NDUFB3: variants seen among roughly 807,000 people sequenced by gnomAD.
The protein encoded by NDUFB3 is NADH dehydrogenase [ubiquinone] 1 beta subcomplex subunit 3.
Under a neutral mutation model 9.0 loss-of-function variants are expected in NDUFB3, and 7 were observed. The observed-to-expected ratio is 0.78, with a 90% CI of 0.44 to 1.46. The LOEUF is 1.46. Among genes scored for constraint, NDUFB3 ranks in the 40% most tolerant of loss-of-function variants. The probability of loss-of-function intolerance (pLI) is 0.01; values close to 1 mark genes in which losing one functional copy is unlikely to be tolerated. For synonymous variants in NDUFB3, 29 were observed against 38.5 expected (o/e 0.75, Z 0.91); for missense variants, 93 against 115.4 (o/e 0.81, Z 0.89).
intron 2 of NDUFB3, among the ~76,000 whole-genome samples, chr2:201,084,163 G>C (rs552292299): frequency 6.6e-6 from 1 of 152,064 alleles, no homozygotes; most frequent in Non-Finnish European, 1.5e-5. Context: ...GGTGGTGTGC[G>C]CCTATAATCC....
At chr2:201,072,677 A>G (rs967058207) in intron 1 of NDUFB3, among the ~76,000 whole-genome samples, 1 of 152,154 alleles carries the variant, frequency 6.6e-6, no homozygotes, top group Non-Finnish European at 1.5e-5. Flanking sequence ...GCTGCTCTGA[A>G]ACGGAAATAA....
intron 2 of NDUFB3, among the ~76,000 whole-genome samples, chr2:201,080,798 G>A (rs1490342328): frequency 6.7e-6 from 1 of 150,278 alleles, no homozygotes; most frequent in Admixed American, 6.7e-5. Flanking sequence ...CCACCTCCCG[G>A]GTTCACGCCA....
intron 2 of NDUFB3, among the ~76,000 whole-genome samples, chr2:201,082,366 A>G (rs754621782): frequency 1.7e-4 from 26 of 151,636 alleles, no homozygotes; most frequent in Non-Finnish European, 2.9e-4. Flanking sequence ...GTGGGCTGAA[A>G]TCATCCTCCC....
At chr2:201,073,564 C>T (rs895778686) in intron 1 of NDUFB3, among the ~76,000 whole-genome samples, 1 of 152,046 alleles carries the variant, frequency 6.6e-6, no homozygotes, top group South Asian at 2.1e-4. Context: ...GTCCAGAGAT[C>T]GAGACCATTC....
At chr2:201,074,158 G>T (rs2047133058) in intron 1 of NDUFB3, among the ~76,000 whole-genome samples, 1 of 152,030 alleles carries the variant, frequency 6.6e-6, no homozygotes, top group Admixed American at 6.6e-5. Flanking sequence ...TTGCCATGTT[G>T]GTTAGGCTTT....
intron 2 of NDUFB3, among the ~76,000 whole-genome samples, chr2:201,082,959 C>T (rs918541501): frequency 5.3e-5 from 8 of 151,212 alleles, no homozygotes; most frequent in African/African-American, 1.7e-4. Context: ...ATGATCCACC[C>T]GCCTCGGCCT....
At chr2:201,079,633 G>C (rs1164816587) in intron 2 of NDUFB3, among the ~76,000 whole-genome samples, 1 of 152,074 alleles carries the variant, frequency 6.6e-6, no homozygotes, top group Non-Finnish European at 1.5e-5. Flanking sequence ...AGTAGAGACA[G>C]GGTTTTGCCA....
At chr2:201,083,296 G>T (rs1184971114) in intron 2 of NDUFB3, among the ~76,000 whole-genome samples, 3 of 151,092 alleles carry the variant, frequency 2.0e-5, no homozygotes, top group African/African-American at 7.3e-5. Flanking sequence ...CTTTTATCAA[G>T]ATGAGGAATT....
Position 201,085,490 on chromosome 2 carries a change from G to T in NDUFB3, c.172G>T (p.Ala58Ser). The change falls in exon 3 of 3, where the codon GCA (alanine) becomes TCA (serine). Residue 58 changes from alanine (A) to serine (S), a missense_variant. Physicochemically the swap from Ala to Ser is moderately conservative, Grantham distance 99. Coordinates refer to ENST00000237889, the MANE Select transcript of NDUFB3 (RefSeq NM_002491.3). ...AGCTTGGAGATACATGGGTGGCTTT[G>T]CAAAGAGTGTTTCCTTTTCTGATGT... ...NEAWRYMGGF[A>S]KSVSFSDVFF... 1 of 1,606,324 alleles carries T rather than the reference G, an allele frequency of 6.2e-7. No homozygotes were observed. The highest frequency in any genetic ancestry group is 1.7e-5 in the Admixed American group (1 of 59,076).
At chr2:201,073,539 C>T (rs2047123142) in intron 1 of NDUFB3, among the ~76,000 whole-genome samples, 1 of 152,152 alleles carries the variant, frequency 6.6e-6, no homozygotes, top group Non-Finnish European at 1.5e-5. Context: ...GTGGCCGAGG[C>T]AGGCGGATAA....
At chr2:201,079,165 A>C in intron 2 of NDUFB3, 143 bp downstream of exon 2, 1 of 991,504 alleles carries the variant, frequency 1.0e-6, no homozygotes, top group Non-Finnish European at 1.4e-6. Context: ...TTTGTTTTTG[A>C]GACGGTGTCT....
intron 2 of NDUFB3, among the ~76,000 whole-genome samples, chr2:201,083,566 C>T (rs1349341959): frequency 6.6e-6 from 1 of 151,766 alleles, no homozygotes; most frequent in Admixed American, 6.6e-5. Flanking sequence ...AGGCTGGTCT[C>T]AAGCTCCCGA....
chr2:201,078,794 C>T, intron 1 of NDUFB3, 87 bp from the exon 2 acceptor site: 1 of 1,245,994 alleles, frequency 8.0e-7, no homozygotes, highest in South Asian at 1.5e-5. Flanking sequence ...ATATTAAATG[C>T]TTTACCTTAA....
intron 2 of NDUFB3, among the ~76,000 whole-genome samples, chr2:201,085,031 G>C (rs1422088353): frequency 6.6e-6 from 1 of 152,196 alleles, no homozygotes; most frequent in Non-Finnish European, 1.5e-5. Flanking sequence ...ACAGGAAGCA[G>C]ACCATGACAG....
intron 2 of NDUFB3, among the ~76,000 whole-genome samples, chr2:201,084,583 G>T (rs1361209095): frequency 6.6e-6 from 1 of 152,194 alleles, no homozygotes; most frequent in Non-Finnish European, 1.5e-5. Context: ...GTTGCAGTGA[G>T]CTGAGATTGT....
chr2:201,085,495 G>A lies in NDUFB3; in HGVS notation c.177G>A (p.Lys59=), dbSNP rs569880652. 8 of 1,611,226 alleles carry A rather than the reference G, an allele frequency of 5.0e-6. 1 individual carries two copies. The highest frequency in any genetic ancestry group is 1.1e-5 in the South Asian group (1 of 90,650). The change falls in exon 3 of 3, where the codon AAG becomes AAA. Residue 59 remains lysine (K), a synonymous_variant. Coordinates refer to ENST00000237889, the MANE Select transcript of NDUFB3 (RefSeq NM_002491.3). ...GGAGATACATGGGTGGCTTTGCAAAGAGTGTTTCCTTTTCTGATGTATTCT... is the reference window on the plus strand; with the variant it reads ...GGAGATACATGGGTGGCTTTGCAAAAAGTGTTTCCTTTTCTGATGTATTCT... ...EAWRYMGGFA[K]SVSFSDVFFK...
chr2:201,073,150 A>G (rs183280067), intron 1 of NDUFB3, among the ~76,000 whole-genome samples: 8 of 152,336 alleles, frequency 5.3e-5, no homozygotes, highest in Admixed American at 4.6e-4. Context: ...TCCTCCACCA[A>G]GAGGTAACCA....
intron 1 of NDUFB3, among the ~76,000 whole-genome samples, chr2:201,075,184 AAAAAAAAAAAAG>A (rs1174531851): frequency 2.0e-5 from 3 of 151,534 alleles, no homozygotes; most frequent in African/African-American, 7.3e-5. Flanking sequence ...TGTCTGAAAA[AAAAAAAAAAAAG>A]AAAAAGAAAA....
At chr2:201,080,507 C>T (rs779237707) in intron 2 of NDUFB3, among the ~76,000 whole-genome samples, 5 of 151,876 alleles carry the variant, frequency 3.3e-5, no homozygotes, top group South Asian at 2.1e-4. Flanking sequence ...GATGTCCAGG[C>T]GGCAGTGAGC....
Sources: gnomAD v4.1 joint callset for allele counts (sites outside exome capture counted in the v4.1 genomes callset) on GRCh38, gnomAD v4.1.1 for gene constraint, MANE v1.5 for transcripts, NCBI Gene and HGNC (gene_info 2026-07-23, HGNC 2026-07-21) for gene names.